ZBTB20: variants seen among roughly 807,000 people sequenced by gnomAD.
ZBTB20 encodes zinc finger and BTB domain-containing protein 20.
In ZBTB20, 9 loss-of-function variants were observed where a neutral mutation model predicts 56.9. The observed-to-expected ratio is 0.16, with a 90% CI of 0.10 to 0.28. ZBTB20 has a LOEUF of 0.28. Ranked by LOEUF, ZBTB20 falls within the 10% of genes least tolerant of loss-of-function variation. The pLI is 1.00. For synonymous variants in ZBTB20, 417 were observed against 420.7 expected (o/e 0.99, Z 0.11); for missense variants, 655 against 1,003.0 (o/e 0.65, Z 4.69).
intron 7 of ZBTB20, among the ~76,000 whole-genome samples, chr3:114,397,093 T>C (rs188888275): frequency 8.5e-5 from 13 of 152,296 alleles, no homozygotes; most frequent in Admixed American, 2.0e-4. Flanking sequence ...TCAGTAACCA[T>C]GCAGATTTCC....
intron 6 of ZBTB20, chr3:114,528,646 T>C (rs2047499816): frequency 6.6e-6 from 1 of 152,148 alleles, no homozygotes; most frequent in South Asian, 2.1e-4. Context: ...AGCACTGGAA[T>C]GGGAAACTGA....
At chr3:114,738,322 T>C (rs1305080096) in intron 5 of ZBTB20, among the ~76,000 whole-genome samples, 1 of 152,152 alleles carries the variant, frequency 6.6e-6, no homozygotes, top group African/African-American at 2.4e-5. Context: ...CTTTTTGTGC[T>C]GCTTAATATT....
intron 11 of ZBTB20, among the ~76,000 whole-genome samples, chr3:114,344,989 A>C (rs35614234): frequency 0.45 from 68,101 of 151,590 alleles, 15,938 homozygotes; most frequent in East Asian, 0.85. Flanking sequence ...TAAAAAAAAA[A>C]CACGAAAGTG....
intron 3 of ZBTB20, among the ~76,000 whole-genome samples, chr3:114,926,114 T>C (rs777647234): frequency 1.8e-4 from 27 of 152,186 alleles, no homozygotes; most frequent in African/African-American, 6.3e-4. Flanking sequence ...CCTATGTTTT[T>C]CCTCATTCTC....
At chr3:114,747,527 A>G (rs2067137577) in intron 5 of ZBTB20, among the ~76,000 whole-genome samples, 2 of 152,122 alleles carry the variant, frequency 1.3e-5, no homozygotes, top group South Asian at 4.1e-4. Flanking sequence ...CTGAGCCACT[A>G]CACTCCAGCC....
At chr3:114,411,580 GA>G (rs1030086842) in intron 7 of ZBTB20, among the ~76,000 whole-genome samples, 4 of 152,004 alleles carry the variant, frequency 2.6e-5, no homozygotes, top group South Asian at 2.1e-4. Context: ...TATTCTGTTA[GA>G]AAAAAACACA....
intron 7 of ZBTB20, among the ~76,000 whole-genome samples, chr3:114,433,098 G>A (rs763120977): frequency 5.3e-5 from 8 of 152,042 alleles, no homozygotes; most frequent in Non-Finnish European, 8.8e-5. Context: ...GTAGATATAG[G>A]TCCTTTTCAA....
At chr3:114,390,218 T>C (rs571335575) in intron 7 of ZBTB20, among the ~76,000 whole-genome samples, 1 of 152,332 alleles carries the variant, frequency 6.6e-6, no homozygotes, top group Non-Finnish European at 1.5e-5. Context: ...GCCTATTTTT[T>C]CCCCATATAT....
chr3:114,780,289 T>A (rs1192458956), intron 5 of ZBTB20, among the ~76,000 whole-genome samples: 1 of 152,142 alleles, frequency 6.6e-6, no homozygotes, highest in Non-Finnish European at 1.5e-5. Flanking sequence ...CTACTTTAAG[T>A]TTTTCATTAA....
chr3:114,988,569 A>G (rs1011588322), intron 2 of ZBTB20, among the ~76,000 whole-genome samples: 2 of 152,130 alleles, frequency 1.3e-5, no homozygotes, highest in African/African-American at 4.8e-5. Context: ...ATACGTGTGC[A>G]TGTGTCTTTA....
chr3:114,351,470 C>T lies in ZBTB20; in HGVS notation c.608G>A (p.Gly203Glu). The T allele has an allele frequency of 1.9e-6, 3 of 1,613,872 alleles. No individual in the cohort carries two copies. The highest frequency in any genetic ancestry group is 2.5e-6 in the Non-Finnish European group (3 of 1,180,018). Residue 203 changes from glycine to glutamate, a missense_variant, in exon 11 of 12, where the codon GGG becomes GAG. Physicochemically the swap from Gly to Glu is moderately conservative, Grantham distance 98. Around this residue, in one of 10 missense-constraint regions of ZBTB20, gnomAD observed 167 missense variants for 281.9 expected, o/e 0.59. Coordinates refer to ENST00000675478, the MANE Select transcript of ZBTB20 (RefSeq NM_001348800.3). ...VSQNVGDVFP[G>E]IQDSGQDTPR... is the part of the protein sequence containing the mutation. ...CGTGTCCTGGCCCGAGTCCTGGATC[C>T]CCGGGAACACATCGCCCACGTTCTG...
chr3:114,831,087 C>CTTTTT (rs57265260), intron 4 of ZBTB20, among the ~76,000 whole-genome samples: 16 of 55,566 alleles, frequency 2.9e-4, no homozygotes, highest in Non-Finnish European at 3.7e-4. Context: ...TTTCTTTCTT[C>CTTTTT]TTTTTTTTTT....
intron 10 of ZBTB20, among the ~76,000 whole-genome samples, chr3:114,366,354 G>A (rs2082397348): frequency 6.6e-6 from 1 of 151,854 alleles, no homozygotes; most frequent in Non-Finnish European, 1.5e-5. Flanking sequence ...TTACAATGTG[G>A]AGAGTTCAGA....
In ZBTB20 at chr3:114,947,945, T is replaced by A. The variant is rs1459440487; in HGVS notation, c.-456+26421A>T. On this transcript the variant is annotated intron_variant, in intron 3 of 11. Transcript: ENST00000675478. ...CAAGGGTAGAAATAGAGGGAATACA[T>A]CCGAACTCATTTTATGAGAATAATA... Among the ~76,000 whole-genome samples the A allele has an allele frequency of 2.1e-5, 3 of 145,118 alleles. 1 individual carries two copies. The highest frequency in any genetic ancestry group is 1.3e-4 in the Admixed American group (2 of 15,060).
intron 5 of ZBTB20, among the ~76,000 whole-genome samples, chr3:114,754,861 G>A (rs1007525744): frequency 7.2e-5 from 11 of 152,158 alleles, no homozygotes; most frequent in Admixed American, 1.3e-4. Context: ...GTATGTATTA[G>A]TGTTTTAGTT....
intron 5 of ZBTB20, among the ~76,000 whole-genome samples, chr3:114,707,468 C>A (rs1228774703): frequency 6.6e-6 from 1 of 152,192 alleles, no homozygotes; most frequent in Non-Finnish European, 1.5e-5. Context: ...ACACTGGCAA[C>A]CTTTCTGATT....
intron 7 of ZBTB20, among the ~76,000 whole-genome samples, chr3:114,409,125 CTTTTT>C (rs56339103): frequency 1.5e-4 from 11 of 71,990 alleles, no homozygotes; most frequent in East Asian, 5.1e-4. Flanking sequence ...AAAGGGAAGA[CTTTTT>C]TTTTTTTTTT....
intron 5 of ZBTB20, among the ~76,000 whole-genome samples, chr3:114,778,931 A>T (rs1341905104): frequency 1.3e-5 from 2 of 152,240 alleles, no homozygotes; most frequent in African/African-American, 2.4e-5. Context: ...CAAAAGAAAG[A>T]TAACATAAGT....
chr3:114,505,409 GA>G (rs2044490005), intron 6 of ZBTB20, among the ~76,000 whole-genome samples: 2 of 152,168 alleles, frequency 1.3e-5, no homozygotes, highest in African/African-American at 2.4e-5. Context: ...CATCACAAAT[GA>G]GTCAGAAAAT....
Sources: gnomAD v4.1 joint callset for allele counts (sites outside exome capture counted in the v4.1 genomes callset) on GRCh38, gnomAD v4.1.1 for gene constraint, gnomAD v4.1.1 regional missense constraint, MANE v1.5 for transcripts, NCBI Gene and HGNC (gene_info 2026-07-23, HGNC 2026-07-21) for gene names.